Variants in DCC observed in about 807,000 individuals in gnomAD.
DCC encodes netrin receptor DCC.
DCC carries 58 observed loss-of-function variants against 172.5 expected under a neutral mutation model. That is an observed-to-expected ratio of 0.34 (90% CI 0.27 to 0.42). The LOEUF (loss-of-function observed/expected upper bound fraction) is 0.42. Among genes scored for constraint, DCC ranks in the 10% least tolerant of loss-of-function variants. The pLI is 1.00. For missense variants in DCC, 1,740 were observed against 1,791.0 expected, an observed-to-expected ratio of 0.97 and a Z score of 0.51; for synonymous variants, 709 against 644.5, an observed-to-expected ratio of 1.10 and a Z score of -1.52.
At chr18:53,208,823 G>A (rs893857617) in intron 11 of DCC, among the ~76,000 whole-genome samples, 5 of 152,074 alleles carry the variant, frequency 3.3e-5, no homozygotes, top group Non-Finnish European at 4.4e-5. Context: ...TCCACCTCTC[G>A]GGTTTAAGTG....
chr18:53,054,127 A>G (rs985824276), intron 5 of DCC, among the ~76,000 whole-genome samples: 2 of 152,094 alleles, frequency 1.3e-5, no homozygotes, highest in Non-Finnish European at 2.9e-5. Flanking sequence ...ATTTTAAATC[A>G]TCTCTAGATT....
intron 1 of DCC, among the ~76,000 whole-genome samples, chr18:52,734,934 A>C (rs1478766829): frequency 1.3e-5 from 2 of 152,236 alleles, no homozygotes; most frequent in South Asian, 4.1e-4. Flanking sequence ...GGGTGACATA[A>C]ATGTTTGAAA....
intron 7 of DCC, among the ~76,000 whole-genome samples, chr18:53,091,395 T>A (rs549976152): frequency 1.3e-3 from 191 of 145,514 alleles, no homozygotes; most frequent in African/African-American, 1.3e-3. Context: ...AAATTATATA[T>A]AAATATATAT....
At position 53,530,765 on chromosome 18, in the gene DCC, T is replaced by A. The variant is rs887256610; in HGVS notation, c.*112T>A. 2.7e-6 allele frequency: 2 copies of A among 749,624 alleles called. No individual in the cohort carries two copies. The highest frequency in any genetic ancestry group is 4.9e-6 in the Non-Finnish European group (2 of 405,604). 46.4% of individuals were successfully genotyped at this position (749,624 alleles called of 1,614,324 possible). On this transcript the variant is annotated 3_prime_UTR_variant, in exon 29 of 29. Coordinates refer to ENST00000442544, the MANE Select transcript of DCC (RefSeq NM_005215.4). Reference sequence around the variant, plus strand: ...CTCTAACCAGTGTACAGGTCACCCATCAGGACCACTCAGTTAAGGAAGATC... The same window carrying A: ...CTCTAACCAGTGTACAGGTCACCCAACAGGACCACTCAGTTAAGGAAGATC...
intron 7 of DCC, among the ~76,000 whole-genome samples, chr18:53,126,770 G>T (rs1270059526): frequency 6.6e-6 from 1 of 152,112 alleles, no homozygotes; most frequent in African/African-American, 2.4e-5. Flanking sequence ...GACCATAAGT[G>T]AGAAATAAAC....
At chr18:52,358,338 A>T (rs1408676120) in intron 1 of DCC, among the ~76,000 whole-genome samples, 1 of 152,136 alleles carries the variant, frequency 6.6e-6, no homozygotes, top group African/African-American at 2.4e-5. Context: ...AGCTCAGGGG[A>T]TGATCTGGAG....
chr18:52,721,738 T>C (rs2036476393), intron 1 of DCC, among the ~76,000 whole-genome samples: 1 of 152,102 alleles, frequency 6.6e-6, no homozygotes, highest in Admixed American at 6.5e-5. Context: ...TTAAAGTAAG[T>C]AAATGGCCAG....
intron 15 of DCC, among the ~76,000 whole-genome samples, chr18:53,370,558 T>C (rs1384249140): frequency 6.6e-6 from 1 of 151,916 alleles, no homozygotes; most frequent in African/African-American, 2.4e-5. Flanking sequence ...CTGCAACTCA[T>C]GTGTTTTGGT....
chr18:53,041,131 G>A (rs2042163339), intron 5 of DCC, among the ~76,000 whole-genome samples: 2 of 109,748 alleles, frequency 1.8e-5, no homozygotes, highest in Admixed American at 8.2e-5. Flanking sequence ...TTCTTTTAGG[G>A]TTTTTATTGT....
chr18:52,853,822 G>A (rs1483217439), intron 2 of DCC, among the ~76,000 whole-genome samples: 1 of 152,192 alleles, frequency 6.6e-6, no homozygotes. Context: ...TACAACTGAT[G>A]AGCAAGATGT....
intron 1 of DCC, among the ~76,000 whole-genome samples, chr18:52,604,225 T>A (rs1163775385): frequency 6.6e-6 from 1 of 152,138 alleles, no homozygotes; most frequent in Non-Finnish European, 1.5e-5. Context: ...ATTTCATCAA[T>A]CTGACCAAAT....
chr18:53,080,979 A>G (rs571361927), intron 7 of DCC, among the ~76,000 whole-genome samples: 11 of 152,092 alleles, frequency 7.2e-5, no homozygotes, highest in Non-Finnish European at 1.6e-4. Context: ...AACTCATTGC[A>G]CTGCCATCTT....
At position 52,706,668 on chromosome 18, in the gene DCC, G is replaced by A. The variant is rs9945165; in HGVS notation, c.92-45386G>A. Among the ~76,000 whole-genome samples the A allele has an allele frequency of 2.4e-4, 36 of 152,236 alleles. 1 individual carries two copies. The highest frequency in any genetic ancestry group is 6.5e-4 in the African/African-American group (27 of 41,552). ...GCTTTTTACTTTTGTACACGGATTC[G>A]TTTGTTTACTCATCTATTCTGCACC... On this transcript the variant is annotated intron_variant, in intron 1 of 28. Coordinates refer to ENST00000442544, the MANE Select transcript of DCC (RefSeq NM_005215.4).
intron 1 of DCC, among the ~76,000 whole-genome samples, chr18:52,416,172 G>C (rs1467487346): frequency 1.3e-5 from 2 of 152,162 alleles, no homozygotes; most frequent in Non-Finnish European, 2.9e-5. Flanking sequence ...TTTCCATGTA[G>C]TTGAGCAGTT....
chr18:52,898,794 A>G (rs1033062608), intron 2 of DCC, among the ~76,000 whole-genome samples: 2 of 151,910 alleles, frequency 1.3e-5, no homozygotes, highest in African/African-American at 4.8e-5. Flanking sequence ...GACAGCAAAT[A>G]TTTGGGTTGT....
intron 27 of DCC, among the ~76,000 whole-genome samples, chr18:53,510,647 G>C (rs1016850842): frequency 1.1e-4 from 16 of 152,156 alleles, no homozygotes; most frequent in African/African-American, 3.9e-4. Context: ...TACTATGTTT[G>C]TTTGTTATTC....
chr18:53,351,317 ACT>A lies in DCC; in HGVS notation c.2359+11411_2359+11412del, dbSNP rs1491321089. 8.9e-3 allele frequency among the ~76,000 whole-genome samples: 213 copies of A among 23,928 alleles called. 1 individual carries two copies. Among genetic ancestry groups the A allele is most frequent in the Non-Finnish European group, 0.014 (163 of 11,930 alleles). The allele number at this position is 23,928 out of a possible 152,430, so 15.7% of individuals were successfully genotyped here. A position where few individuals can be genotyped will look rare whatever the true frequency, so the allele number is the denominator to read the frequency against. ...TATATATATATATATATATATATAC[ACT>A]GTATATATATATACAGTGTATATAT... On this transcript the variant is annotated intron_variant, in intron 15 of 28. Coordinates refer to ENST00000442544, the MANE Select transcript of DCC (RefSeq NM_005215.4).
At chr18:53,375,233 A>T (rs2058098006) in intron 15 of DCC, among the ~76,000 whole-genome samples, 1 of 132,780 alleles carries the variant, frequency 7.5e-6, no homozygotes, top group South Asian at 2.2e-4. Flanking sequence ...GCCTCTCTGT[A>T]TCTTTATCTT....
chr18:52,565,171 C>A lies in DCC; in HGVS notation c.92-186883C>A, dbSNP rs143973028. On this transcript the variant is annotated intron_variant, in intron 1 of 28. Transcript: ENST00000442544. ...TATATTTTTTCAAAACAAATAAAAC[C>A]CTGTCTCTGTTCTATTTGAGCATGG... is the stretch of plus-strand genomic sequence containing the variant. Among the ~76,000 whole-genome samples the A allele has an allele frequency of 4.7e-3, 721 of 152,056 alleles. 5 individuals carry two copies. Among genetic ancestry groups the A allele is most frequent in the African/African-American group, 0.016 (681 of 41,484 alleles).
Sources: allele counts gnomAD v4.1 joint callset (sites outside exome capture counted in the v4.1 genomes callset), GRCh38; gene constraint gnomAD v4.1.1; transcripts MANE v1.5; gene names NCBI Gene and HGNC (gene_info 2026-07-23, HGNC 2026-07-21).